Variants in CEP152 observed in about 807,000 individuals in gnomAD.
CEP152 encodes the protein centrosomal protein 152.
CEP152 carries 132 observed loss-of-function variants against 188.9 expected under a neutral mutation model. That is an observed-to-expected ratio of 0.70 (90% confidence interval 0.61 to 0.81). The LOEUF (loss-of-function observed/expected upper bound fraction) is 0.81. CEP152 is among the 30% of genes least tolerant of loss of function. CEP152 has a pLI of 0.00. For missense variants in CEP152, 1,914 were observed against 1,969.8 expected, an observed-to-expected ratio of 0.97 and a Z score of 0.54; for synonymous variants, 649 against 666.6, an observed-to-expected ratio of 0.97 and a Z score of 0.41.
chr15:48,796,843 A>T lies in CEP152; in HGVS notation c.540+458T>A, dbSNP rs138473361. ...CCTGTCTACTGTTATATCACCATACAATAGAGATATCAGCTTTGACATGTT... is the reference window on the plus strand; with the variant it reads ...CCTGTCTACTGTTATATCACCATACTATAGAGATATCAGCTTTGACATGTT... On this transcript the variant is annotated intron_variant, in intron 5 of 26. Coordinates refer to ENST00000380950, the MANE Select transcript of CEP152 (RefSeq NM_001194998.2). Among the ~76,000 whole-genome samples the T allele has an allele frequency of 5.3e-3, 801 of 152,290 alleles. 3 individuals are homozygous for T. The highest frequency in any genetic ancestry group is 0.017 in the Middle Eastern group (5 of 294).
At chr15:48,741,263 G>A (rs1247235212) in intron 26 of CEP152, 12 of 1,146,362 alleles carry the variant, frequency 1.0e-5, no homozygotes, top group Non-Finnish European at 1.2e-5. Flanking sequence ...CCAAAGTGCT[G>A]GGATTACAGG....
At chr15:48,789,205 A>C (rs1195162961) in intron 8 of CEP152, 1 of 599,812 alleles carries the variant, frequency 1.7e-6, no homozygotes, top group African/African-American at 1.9e-5. Flanking sequence ...TGTTGGAAAC[A>C]ATGTTCCCTG....
chr15:48,744,132 T>C, intron 24 of CEP152, 108 bp downstream of exon 24: 5 of 1,515,970 alleles, frequency 3.3e-6, no homozygotes, highest in Middle Eastern at 1.8e-4. Flanking sequence ...AAAAAGGTAA[T>C]TTGGAAAATT....
chr15:48,791,139 ACTTCAAAGTT>A, intron 8 of CEP152, 88 bp downstream of exon 8: 2 of 1,031,838 alleles, frequency 1.9e-6, no homozygotes, highest in Non-Finnish European at 2.8e-6. Flanking sequence ...TTTGTCAATA[ACTTCAAAGTT>A]CTTCTAAATT....
At chr15:48,768,855 T>TA (rs1261431175) in intron 14 of CEP152, 101 bp downstream of exon 14, 1 of 853,568 alleles carries the variant, frequency 1.2e-6, no homozygotes, top group African/African-American at 1.7e-5. Context: ...ACTTGTCTAC[T>TA]AACTCACATT....
At chr15:48,791,643 A>G (rs1056740496) in intron 7 of CEP152, among the ~76,000 whole-genome samples, 5 of 152,070 alleles carry the variant, frequency 3.3e-5, no homozygotes, top group Admixed American at 2.6e-4. Context: ...CAGCCTCCCC[A>G]GTAGCTGGGA....
chr15:48,801,147 G>A (rs1473482567), intron 2 of CEP152, among the ~76,000 whole-genome samples: 3 of 152,200 alleles, frequency 2.0e-5, no homozygotes, highest in Non-Finnish European at 4.4e-5. Context: ...TTGAACAGGT[G>A]ACCTCTTAGT....
chr15:48,805,020 C>G (rs1162313023), intron 2 of CEP152, among the ~76,000 whole-genome samples: 3 of 152,200 alleles, frequency 2.0e-5, no homozygotes. Flanking sequence ...TCTCATGAGT[C>G]AAGTCTCAGC....
At chr15:48,762,204 G>A (rs1250442168) in intron 18 of CEP152, among the ~76,000 whole-genome samples, 187 bp downstream of exon 18, 1 of 152,132 alleles carries the variant, frequency 6.6e-6, no homozygotes, top group Non-Finnish European at 1.5e-5. Flanking sequence ...GAAAAACCGA[G>A]GGGTGGCAGC....
chr15:48,804,862 C>T (rs1001156541), intron 2 of CEP152, among the ~76,000 whole-genome samples: 10 of 152,250 alleles, frequency 6.6e-5, no homozygotes, highest in Admixed American at 2.0e-4. Flanking sequence ...CCACCCAACA[C>T]TGGCTCATAT....
At position 48,762,390 on chromosome 15, in the gene CEP152, C is replaced by A. The variant is rs766544512; in HGVS notation, c.2562+1G>T. 1 of 1,613,638 alleles carries A rather than the reference C, an allele frequency of 6.2e-7. No individual in the cohort carries two copies. Among genetic ancestry groups the A allele is most frequent in the South Asian group, 1.1e-5 (1 of 91,068 alleles). ...TTTACTAGAATAAATCTGCCTTTTA[C>A]CTGTTTGGTAATATTTTCACAATGT... On this transcript the variant is annotated splice_donor_variant, in intron 18 of 26. Transcript: ENST00000380950. LOFTEE classifies it high-confidence loss of function.
At chr15:48,799,593 C>G (rs1007515506) in intron 2 of CEP152, among the ~76,000 whole-genome samples, 3 of 152,126 alleles carry the variant, frequency 2.0e-5, no homozygotes, top group African/African-American at 7.2e-5. Flanking sequence ...CATTAACACA[C>G]AAGACCCTCA....
At position 48,767,024 on chromosome 15, in the gene CEP152, G is replaced by A. The variant is rs756073580; in HGVS notation, c.2280+36C>T. On this transcript the variant is annotated intron_variant, in intron 17 of 26. Transcript: ENST00000380950. Reference sequence around the variant, plus strand: ...ATGATAATACTGAGGCTTGAAGAGTGAAAGGATGTCGATACAACATAAACT... The same window carrying A: ...ATGATAATACTGAGGCTTGAAGAGTAAAAGGATGTCGATACAACATAAACT... 4.3e-6 allele frequency: 7 copies of A among 1,609,484 alleles called. No individual in the cohort carries two copies. The South Asian group carries it at 6.6e-5, about 15-fold the overall frequency.
At position 48,769,215 on chromosome 15, in the gene CEP152, TATAACTA is replaced by T. The variant is rs910491987; in HGVS notation, c.1783-141_1783-135del. ...ATAGCTTTTACTCATCTTCCCCCAATATAACTACAGCACAATCATCAAAACTAGTAAA... is the reference window on the plus strand; with the variant it reads ...ATAGCTTTTACTCATCTTCCCCCAATCAGCACAATCATCAAAACTAGTAAA... On this transcript the variant is annotated intron_variant, in intron 13 of 26. Transcript: ENST00000380950. 8 of 672,130 alleles carry T rather than the reference TATAACTA, an allele frequency of 1.2e-5. No homozygotes were observed. The African/African-American group carries it at 1.5e-4, about 12-fold the overall frequency. The allele number at this position is 672,130 out of a possible 1,614,324, so 41.6% of individuals were successfully genotyped here.
intron 5 of CEP152, among the ~76,000 whole-genome samples, chr15:48,796,708 T>A (rs1429430010): frequency 6.6e-6 from 1 of 152,166 alleles, no homozygotes; most frequent in East Asian, 1.9e-4. Context: ...GTTGAGGTAT[T>A]TGCTGTCATT....
Position 48,767,080 on chromosome 15 carries a change from C to T in CEP152, c.2260G>A (p.Glu754Lys). The T allele has an allele frequency of 6.2e-7, 1 of 1,613,190 alleles. No homozygotes were observed. Among genetic ancestry groups the T allele is most frequent in the Non-Finnish European group, 8.5e-7 (1 of 1,179,994 alleles). The change falls in exon 17 of 27, where the codon GAG becomes AAG. Residue 754 changes from glutamate (E) to lysine (K), a missense_variant. Coordinates refer to ENST00000380950, the MANE Select transcript of CEP152 (RefSeq NM_001194998.2). Reference protein sequence around the residue: ...ELTLRKTTEKEQQTQEKIKEK... With the variant: ...ELTLRKTTEKKQQTQEKIKEK... Reference sequence around the variant, plus strand: ...TGTACCTTCTCCTGAGTCTGTTGCTCCTTTTCAGTGGTCTTCCTGAGAGTC... The same window carrying T: ...TGTACCTTCTCCTGAGTCTGTTGCTTCTTTTCAGTGGTCTTCCTGAGAGTC...
intron 22 of CEP152, 29 bp from the exon 23 acceptor site, chr15:48,745,021 A>T (rs1426250940): frequency 6.6e-7 from 1 of 1,512,680 alleles, no homozygotes; most frequent in Non-Finnish European, 9.0e-7. Context: ...AGTATATTAG[A>T]CAGTTAAAAA....
chr15:48,797,985 G>T lies in CEP152; in HGVS notation c.154C>A (p.Gln52Lys). Residue 52 changes from glutamine (Q) to lysine (K), a missense_variant, in exon 3 of 27, where the codon CAG (glutamine) becomes AAG (lysine). Physicochemically the swap from Gln to Lys is moderately conservative, Grantham distance 53 (BLOSUM62 1). Transcript: ENST00000380950. The stretch of plus-strand genomic sequence containing the variant: ...CCATCCTCGCTGCAGTCCGAATACT[G>T]GAGCTCTGGAGAGGAGAGGTCGTCA... The part of the protein sequence containing the change: ...LDDDLSSPEL[Q>K]YSDCSEDGTD... 6.2e-7 allele frequency: 1 copy of T among 1,614,010 alleles called. No individual in the cohort carries two copies. The highest frequency in any genetic ancestry group is 1.1e-5 in the South Asian group (1 of 91,062).
At chr15:48,778,949 C>CAA (rs71432268) in intron 12 of CEP152, among the ~76,000 whole-genome samples, 36 of 85,392 alleles carry the variant, frequency 4.2e-4, no homozygotes, top group Admixed American at 1.1e-3. Context: ...AACTCCATCT[C>CAA]AAAAAAAAAA....
Sources: gnomAD v4.1 joint callset for allele counts (sites outside exome capture counted in the v4.1 genomes callset) on GRCh38, gnomAD v4.1.1 for gene constraint, MANE v1.5 for transcripts, NCBI Gene and HGNC (gene_info 2026-07-23, HGNC 2026-07-21) for gene names.